Variants in PTP4A1 observed in about 807,000 individuals in gnomAD.
The protein encoded by PTP4A1 is protein tyrosine phosphatase 4A1.
PTP4A1 carries 9 observed loss-of-function variants against 20.5 expected under a neutral mutation model. The ratio of observed to expected loss-of-function variants is 0.44; its 90% CI spans 0.26 to 0.77. The LOEUF (loss-of-function observed/expected upper bound fraction) is 0.77, where lower values mean the gene tolerates loss of function less well. Among genes scored for constraint, PTP4A1 ranks in the 30% least tolerant of loss-of-function variants. The probability of loss-of-function intolerance (pLI) is 0.19; values close to 1 mark genes in which losing one functional copy is unlikely to be tolerated. For synonymous variants in PTP4A1, 78 were observed against 67.4 expected (o/e 1.16, Z -0.77); for missense variants, 137 against 218.8 (o/e 0.63, Z 2.36).
At chr6:63,578,343 C>T (rs1197729065) in intron 2 of PTP4A1, 94 bp from the exon 3 acceptor site, 76 of 1,343,802 alleles carry the variant, frequency 5.7e-5, no homozygotes, top group Non-Finnish European at 6.9e-5. Context: ...TGTTAACCAG[C>T]ATACTTACTG....
Position 63,579,253 on chromosome 6 carries a change from C to G in PTP4A1, c.330-4C>G. The G allele has an allele frequency of 6.2e-7, 1 of 1,603,296 alleles. No individual in the cohort carries two copies. Among genetic ancestry groups the G allele is most frequent in the Non-Finnish European group, 8.5e-7 (1 of 1,175,522 alleles). On this transcript the variant is annotated splice_polypyrimidine_tract_variant and splice_region_variant and intron_variant, in intron 4 of 5. Coordinates refer to ENST00000626021, the MANE Select transcript of PTP4A1 (RefSeq NM_003463.5). ...ACTATTTATCAAAATTCTTACCTCA[C>G]CAGAGCTCCAGTACTTGTTGCCCTA...
intron 3 of PTP4A1, among the ~76,000 whole-genome samples, chr6:63,557,744 G>A (rs1776751503): frequency 6.6e-6 from 1 of 152,180 alleles, no homozygotes; most frequent in Non-Finnish European, 1.5e-5. Flanking sequence ...ACGAGGTAGG[G>A]CTATAAGGCA....
At position 63,529,163 on chromosome 6, in the gene PTP4A1, GTATA is replaced by G. The variant is rs67954410; in HGVS notation, c.-640+1089_-640+1092del. Among the ~76,000 whole-genome samples the G allele has an allele frequency of 6.5e-4, 90 of 137,508 alleles. 2 individuals are homozygous for G. The highest frequency in any genetic ancestry group is 1.1e-3 in the Non-Finnish European group (71 of 64,142). 90.2% of individuals were successfully genotyped at this position (137,508 alleles called of 152,430 possible). ...TATATATATATGTATATATATGTGT[GTATA>G]TATATATATGTATATATATGTGTGT... is the stretch of plus-strand genomic sequence containing the variant. On this transcript the variant is annotated intron_variant, in intron 2 of 3. Coordinates refer to the PTP4A1 transcript ENST00000639568.
intron 1 of PTP4A1, among the ~76,000 whole-genome samples, chr6:63,522,740 G>T (rs1239612989): frequency 1.3e-5 from 2 of 152,078 alleles, no homozygotes; most frequent in Non-Finnish European, 2.9e-5. Context: ...CAACAATAGG[G>T]GAGATACCAT....
chr6:63,526,829 ATATATATT>A (rs943232856), intron 1 of PTP4A1, among the ~76,000 whole-genome samples: 7 of 139,998 alleles, frequency 5.0e-5, no homozygotes, highest in African/African-American at 1.1e-4. Context: ...ATATATATAT[ATATATATT>A]TATTTATTTA....
chr6:63,578,543 A>T lies in PTP4A1; in HGVS notation c.198+14A>T. ...ATCCATGTTCTTGTAAGTATTTAAC[A>T]GTTCTTATGGGTTTATGGTGCTGTG... On this transcript the variant is annotated intron_variant, in intron 3 of 5. Coordinates refer to ENST00000626021, the MANE Select transcript of PTP4A1 (RefSeq NM_003463.5). The T allele has an allele frequency of 6.2e-7, 1 of 1,607,642 alleles. No individual in the cohort carries two copies. Among genetic ancestry groups the T allele is most frequent in the Non-Finnish European group, 8.5e-7 (1 of 1,178,156 alleles).
chr6:63,575,040 T>C (rs1289464668), intron 1 of PTP4A1, among the ~76,000 whole-genome samples: 1 of 152,216 alleles, frequency 6.6e-6, no homozygotes, highest in Non-Finnish European at 1.5e-5. Context: ...ACCAGAAAAG[T>C]AGACTGGGTT....
At chr6:63,554,904 T>G (rs1296243429) in intron 3 of PTP4A1, among the ~76,000 whole-genome samples, 1 of 152,242 alleles carries the variant, frequency 6.6e-6, no homozygotes, top group Non-Finnish European at 1.5e-5. Flanking sequence ...TGCTGGTGTA[T>G]AGTAGATTTT....
intron 1 of PTP4A1, among the ~76,000 whole-genome samples, chr6:63,573,959 CAGCAGT>C (rs2149510562): frequency 6.6e-6 from 1 of 152,284 alleles, no homozygotes; most frequent in Non-Finnish European, 1.5e-5. Context: ...TGGTTTGTGG[CAGCAGT>C]AGCCAACCAG....
intron 3 of PTP4A1, among the ~76,000 whole-genome samples, chr6:63,557,434 C>G (rs888300808): frequency 6.6e-6 from 1 of 151,808 alleles, no homozygotes; most frequent in Non-Finnish European, 1.5e-5. Flanking sequence ...GTGTAGTGTG[C>G]GTGCCTGTAA....
At chr6:63,529,853 A>G (rs1775378532) in intron 2 of PTP4A1, among the ~76,000 whole-genome samples, 1 of 152,208 alleles carries the variant, frequency 6.6e-6, no homozygotes, top group Non-Finnish European at 1.5e-5. Context: ...TCAGAGAACT[A>G]AAAATTATCA....
At chr6:63,552,893 G>T (rs1776516076) in intron 3 of PTP4A1, among the ~76,000 whole-genome samples, 1 of 152,082 alleles carries the variant, frequency 6.6e-6, no homozygotes, top group Admixed American at 6.6e-5. Flanking sequence ...CTCTGTTTTG[G>T]TACCAGTACC....
In PTP4A1 at chr6:63,583,090, A is replaced by G. The variant is rs972248011; in HGVS notation, c.*2916A>G. On this transcript the variant is annotated 3_prime_UTR_variant, in exon 6 of 6. Transcript: ENST00000626021. ...TGGTGTCACCAGATTTTGGTCACCAATGAGTACCCGACCCGTTGCCATGAT... is the reference window on the plus strand; with the variant it reads ...TGGTGTCACCAGATTTTGGTCACCAGTGAGTACCCGACCCGTTGCCATGAT... 1 of 152,206 alleles carries G rather than the reference A, an allele frequency of 6.6e-6. No individual in the cohort carries two copies. Among genetic ancestry groups the G allele is most frequent in the African/African-American group, 2.4e-5 (1 of 41,454 alleles). The allele number at this position is 152,206 out of a possible 1,614,324, so 9.4% of individuals were successfully genotyped here. A position where few individuals can be genotyped will look rare whatever the true frequency, so the allele number is the denominator to read the frequency against.
chr6:63,533,390 A>G (rs1293841493), intron 2 of PTP4A1, among the ~76,000 whole-genome samples: 1 of 152,206 alleles, frequency 6.6e-6, no homozygotes, highest in East Asian at 1.9e-4. Flanking sequence ...TCAAAAAAGA[A>G]AACAATAAGA....
chr6:63,525,278 C>T lies in PTP4A1; in HGVS notation c.-905-2541C>T, dbSNP rs140969134. 5.5e-3 allele frequency among the ~76,000 whole-genome samples: 842 copies of T among 152,278 alleles called. 9 individuals carry two copies. Among genetic ancestry groups the T allele is most frequent in the African/African-American group, 0.019 (790 of 41,562 alleles). ...ATCAAACCCGCTCTTCCATATTTGG[C>T]CTTGTGATGCTGAAGCCGGTTGTGG... On this transcript the variant is annotated intron_variant, in intron 1 of 3. Transcript: ENST00000639568.
rs1778278330 is a variant in PTP4A1 at position 63,582,159 on chromosome 6, CAA to C, written c.*1987_*1988del. The C allele has an allele frequency of 6.6e-6, 1 of 151,150 alleles. No homozygotes were observed. Among genetic ancestry groups the C allele is most frequent in the Admixed American group, 6.6e-5 (1 of 15,158 alleles). The allele number at this position is 151,150 out of a possible 1,614,324, so 9.4% of individuals were successfully genotyped here. A position where few individuals can be genotyped will look rare whatever the true frequency, so the allele number is the denominator to read the frequency against. On this transcript the variant is annotated 3_prime_UTR_variant, in exon 6 of 6. Coordinates refer to ENST00000626021, the MANE Select transcript of PTP4A1 (RefSeq NM_003463.5). ...CTTGGATTATTTGTGATAGTAATCA[CAA>C]ATTTTTGGCTAATTTTTAACCTGAG...
chr6:63,567,900 T>C (rs893521131), upstream of PTP4A1, among the ~76,000 whole-genome samples: 1 of 152,226 alleles, frequency 6.6e-6, no homozygotes, highest in East Asian at 1.9e-4. Context: ...CATTTTTATG[T>C]TAGGGAGAGG....
At chr6:63,563,916 T>C (rs1335820670) in intron 3 of PTP4A1, among the ~76,000 whole-genome samples, 1 of 152,228 alleles carries the variant, frequency 6.6e-6, no homozygotes, top group African/African-American at 2.4e-5. Context: ...TATGATAGTA[T>C]GCAAATAAAT....
chr6:63,569,865 C>T (rs1777346286), upstream of PTP4A1, among the ~76,000 whole-genome samples: 1 of 152,194 alleles, frequency 6.6e-6, no homozygotes, highest in African/African-American at 2.4e-5. Flanking sequence ...TGCTAATGCT[C>T]TGAGTGCAAG....
Sources: allele counts gnomAD v4.1 joint callset (sites outside exome capture counted in the v4.1 genomes callset), GRCh38; gene constraint gnomAD v4.1.1; transcripts MANE v1.5; gene names NCBI Gene and HGNC (gene_info 2026-07-23, HGNC 2026-07-21).